Variants in RYR2 observed in about 807,000 individuals in gnomAD.
RYR2 encodes cardiac muscle ryanodine receptor-calcium release channel.
RYR2 carries 227 observed loss-of-function variants against 601.1 expected under a neutral mutation model. The ratio of observed to expected loss-of-function variants is 0.38; its 90% confidence interval spans 0.34 to 0.42. RYR2 has a LOEUF of 0.42. Ranked by LOEUF, RYR2 falls within the 10% of genes least tolerant of loss-of-function variation. The pLI is 1.00. For missense variants in RYR2, 4,646 were observed against 6,156.5 expected, an observed-to-expected ratio of 0.75 and a Z score of 8.21; for synonymous variants, 2,223 against 2,175.1, an observed-to-expected ratio of 1.02 and a Z score of -0.61.
At chr1:237,829,762 C>T (rs1379827128) in intron 102 of RYR2, among the ~76,000 whole-genome samples, 1 of 152,168 alleles carries the variant, frequency 6.6e-6, no homozygotes, top group Admixed American at 6.5e-5. Flanking sequence ...TGGCATAAAA[C>T]AGCTTACAAC....
At chr1:237,215,683 A>C (rs1234570714) in intron 1 of RYR2, among the ~76,000 whole-genome samples, 1 of 152,154 alleles carries the variant, frequency 6.6e-6, no homozygotes, top group Admixed American at 6.5e-5. Context: ...ATATAGGATG[A>C]TATATGTAAA....
At chr1:237,460,236 A>C (rs534876791) in intron 16 of RYR2, among the ~76,000 whole-genome samples, 1 of 152,316 alleles carries the variant, frequency 6.6e-6, no homozygotes, top group East Asian at 1.9e-4. Flanking sequence ...CCCTTGTGAA[A>C]GAGTGTGCTA....
intron 52 of RYR2, 90 bp from the exon 53 acceptor site, chr1:237,655,731 T>G: frequency 7.9e-7 from 1 of 1,269,972 alleles, no homozygotes; most frequent in Non-Finnish European, 1.1e-6. Flanking sequence ...AATTCAGATT[T>G]TCTTCTGCAA....
At chr1:237,538,862 C>T (rs188266543) in intron 25 of RYR2, among the ~76,000 whole-genome samples, 16 of 152,168 alleles carry the variant, frequency 1.1e-4, no homozygotes, top group East Asian at 9.7e-4. Context: ...ACCAGGGGGA[C>T]GAGTTTTAAA....
chr1:237,203,542 T>C lies in RYR2; in HGVS notation c.49-66955T>C, dbSNP rs189761036. On this transcript the variant is annotated intron_variant, in intron 1 of 104. Coordinates refer to ENST00000366574, the MANE Select transcript of RYR2 (RefSeq NM_001035.3). Reference sequence around the variant, plus strand: ...TACTTTGGGAATTTAACCAATAATCTATACAATTATTTGCCCCAATGGATA... The same window carrying C: ...TACTTTGGGAATTTAACCAATAATCCATACAATTATTTGCCCCAATGGATA... Among the ~76,000 whole-genome samples, 865 of 152,300 alleles carry C rather than the reference T, an allele frequency of 5.7e-3. 9 individuals carry two copies. The highest frequency in any genetic ancestry group is 0.031 in the Middle Eastern group (9 of 294).
intron 1 of RYR2, among the ~76,000 whole-genome samples, chr1:237,207,059 C>T (rs567857239): frequency 6.6e-5 from 10 of 151,766 alleles, no homozygotes; most frequent in South Asian, 6.2e-4. Flanking sequence ...GTTTCATGCC[C>T]GTAATCCCAG....
At chr1:237,175,762 A>T (rs1677965353) in intron 1 of RYR2, among the ~76,000 whole-genome samples, 1 of 152,060 alleles carries the variant, frequency 6.6e-6, no homozygotes, top group East Asian at 1.9e-4. Context: ...TTCCAGGTTC[A>T]CTCTGGTCTT....
In RYR2 at chr1:237,595,669, GTGA is replaced by G. The variant is rs1354978377; in HGVS notation, c.4596+17_4596+19del. ...GCACATACTATCAGGTACGCGGTCAGTGATGATATCAGTCTTCTAGGGAGGAAG... is the reference window on the plus strand; with the variant it reads ...GCACATACTATCAGGTACGCGGTCAGTGATATCAGTCTTCTAGGGAGGAAG... On this transcript the variant is annotated intron_variant, in intron 34 of 104. Coordinates refer to ENST00000366574, the MANE Select transcript of RYR2 (RefSeq NM_001035.3). 1.9e-6 allele frequency: 3 copies of G among 1,596,836 alleles called. No homozygotes were observed.
chr1:237,427,723 C>T (rs1706318792), intron 12 of RYR2, among the ~76,000 whole-genome samples: 1 of 126,888 alleles, frequency 7.9e-6, no homozygotes, highest in South Asian at 2.4e-4. Flanking sequence ...GCAGAGGTTG[C>T]AGTGAGCCTA....
At chr1:237,768,480 T>C (rs1309589125) in intron 84 of RYR2, among the ~76,000 whole-genome samples, 1 of 152,158 alleles carries the variant, frequency 6.6e-6, no homozygotes. Flanking sequence ...GTATTAAAAA[T>C]CTTAAGCCTC....
intron 63 of RYR2, among the ~76,000 whole-genome samples, chr1:237,693,755 G>A (rs759820068): frequency 2.0e-5 from 3 of 152,148 alleles, no homozygotes; most frequent in Non-Finnish European, 4.4e-5. Flanking sequence ...ACGTTTGGAA[G>A]AGTTTTAAAA....
chr1:237,594,523 G>T (rs759814660), intron 33 of RYR2, among the ~76,000 whole-genome samples: 2 of 152,122 alleles, frequency 1.3e-5, no homozygotes, highest in Non-Finnish European at 1.5e-5. Flanking sequence ...TGGGGGCCAT[G>T]CTTAATTTTC....
intron 24 of RYR2, among the ~76,000 whole-genome samples, chr1:237,514,132 A>G (rs1162635515): frequency 6.6e-6 from 1 of 152,178 alleles, no homozygotes; most frequent in Non-Finnish European, 1.5e-5. Context: ...TAGCTTAGTA[A>G]TTCATAGCAG....
rs73121638 is a variant in RYR2 at position 237,211,511 on chromosome 1, C to A, written c.49-58986C>A. On this transcript the variant is annotated intron_variant, in intron 1 of 104. Transcript: ENST00000366574. Reference sequence around the variant, plus strand: ...CTTGCTGGAGTTTTCCCAGCTAGTACGTGGTACAGCTGGGATGAGAACAGA... The same window carrying A: ...CTTGCTGGAGTTTTCCCAGCTAGTAAGTGGTACAGCTGGGATGAGAACAGA... Among the ~76,000 whole-genome samples, 3 of 152,238 alleles carry A rather than the reference C, an allele frequency of 2.0e-5. No individual in the cohort carries two copies. In the East Asian group the frequency reaches 5.8e-4, roughly 29 times the overall value.
chr1:237,310,520 C>T (rs1352588856), intron 2 of RYR2, among the ~76,000 whole-genome samples: 2 of 152,160 alleles, frequency 1.3e-5, no homozygotes, highest in Non-Finnish European at 2.9e-5. Flanking sequence ...TATTATCCTA[C>T]TTGATCCTTT....
At chr1:237,584,972 C>G (rs577962064) in intron 29 of RYR2, among the ~76,000 whole-genome samples, 2 of 152,006 alleles carry the variant, frequency 1.3e-5, no homozygotes, top group South Asian at 4.2e-4. Flanking sequence ...AATTCCTGGG[C>G]TCAAGCGAGC....
intron 10 of RYR2, among the ~76,000 whole-genome samples, chr1:237,390,740 A>T (rs1285325497): frequency 6.6e-6 from 1 of 151,840 alleles, no homozygotes. Flanking sequence ...TTCTGGACCC[A>T]CTCTCCCTTT....
At chr1:237,305,535 G>A (rs527818095) in intron 2 of RYR2, among the ~76,000 whole-genome samples, 5 of 152,252 alleles carry the variant, frequency 3.3e-5, no homozygotes, top group African/African-American at 7.2e-5. Flanking sequence ...AGGCTCAAGC[G>A]ATCCTCCCAT....
chr1:237,199,591 C>T (rs1441060732), intron 1 of RYR2, among the ~76,000 whole-genome samples: 1 of 152,196 alleles, frequency 6.6e-6, no homozygotes, highest in Non-Finnish European at 1.5e-5. Context: ...CGGCCTCTCC[C>T]AGTCCACTGA....
Sources: allele counts gnomAD v4.1 joint callset (sites outside exome capture counted in the v4.1 genomes callset), GRCh38; gene constraint gnomAD v4.1.1; transcripts MANE v1.5; gene names NCBI Gene and HGNC (gene_info 2026-07-23, HGNC 2026-07-21).